Variants in JAKMIP1 observed in about 807,000 individuals in gnomAD.
JAKMIP1 encodes janus kinase and microtubule interacting protein 1, also known as janus kinase and microtubule-interacting protein 1.
A neutral mutation model predicts 113.0 loss-of-function variants in JAKMIP1; 33 were observed. That is an observed-to-expected ratio of 0.29 (90% CI 0.22 to 0.39). JAKMIP1 has a LOEUF of 0.39. Ranked by LOEUF, JAKMIP1 falls within the 10% of genes least tolerant of loss-of-function variation. The pLI is 1.00. For missense variants in JAKMIP1, 813 were observed against 1,080.5 expected, an observed-to-expected ratio of 0.75 and a Z score of 3.47; for synonymous variants, 480 against 459.9, an observed-to-expected ratio of 1.04 and a Z score of -0.56.
At chr4:6,046,797 G>A (rs1159095636) in intron 16 of JAKMIP1, among the ~76,000 whole-genome samples, 2 of 152,218 alleles carry the variant, frequency 1.3e-5, no homozygotes, top group Non-Finnish European at 2.9e-5. Context: ...CGGGCGTGGG[G>A]AGGGGTACAT....
Position 6,162,184 on chromosome 4 carries a change from C to T in JAKMIP1, c.-148+38069G>A, listed in dbSNP as rs553143912. Reference sequence around the variant, plus strand: ...ACCAAGGGGCTGTGAGCTTGGACCTCGTCCCACTAGAGGGCAGTGGGAGCG... The same window carrying T: ...ACCAAGGGGCTGTGAGCTTGGACCTTGTCCCACTAGAGGGCAGTGGGAGCG... On this transcript the variant is annotated intron_variant, in intron 1 of 20. Coordinates refer to ENST00000409021, the MANE Select transcript of JAKMIP1 (RefSeq NM_001099433.2). This position sits in a 1 kb window ranked among gnomAD's most constrained non-coding sequence, Gnocchi z 5.6. Among the ~76,000 whole-genome samples, 7 of 152,112 alleles carry T rather than the reference C, an allele frequency of 4.6e-5. No homozygotes were observed. Among genetic ancestry groups the T allele is most frequent in the African/African-American group, 1.4e-4 (6 of 41,402 alleles).
intron 1 of JAKMIP1, among the ~76,000 whole-genome samples, chr4:6,122,786 C>T (rs1578300917): frequency 6.6e-6 from 1 of 152,262 alleles, no homozygotes; most frequent in East Asian, 1.9e-4. Flanking sequence ...GGCTCAGGAG[C>T]CAGAGTGACT....
chr4:6,199,835 CCA>C lies in JAKMIP1; in HGVS notation c.-148+416_-148+417del, dbSNP rs1295511488. ...GGAAGACACGGAGGGGACGGGCCGG[CCA>C]CACCCCCCGCGCCACTCCGGCAGGC... On this transcript the variant is annotated intron_variant, in intron 1 of 20. Coordinates refer to ENST00000409021, the MANE Select transcript of JAKMIP1 (RefSeq NM_001099433.2). The surrounding 1 kb of genome is among the most constrained non-coding windows in gnomAD (Gnocchi z 5.6). 1.3e-5 allele frequency among the ~76,000 whole-genome samples: 2 copies of C among 151,640 alleles called. No individual in the cohort carries two copies. The highest frequency in any genetic ancestry group is 2.9e-5 in the Non-Finnish European group (2 of 67,828).
chr4:6,110,151 C>T (rs185821230), intron 2 of JAKMIP1, among the ~76,000 whole-genome samples: 1 of 152,272 alleles, frequency 6.6e-6, no homozygotes, highest in Admixed American at 6.5e-5. Context: ...AAGTCCTAAC[C>T]CCCATGACCT....
In JAKMIP1 at chr4:6,137,620, T is replaced by C. The variant is rs947438527; in HGVS notation, c.-147-24623A>G. On this transcript the variant is annotated intron_variant, in intron 1 of 20. Coordinates refer to ENST00000409021, the MANE Select transcript of JAKMIP1 (RefSeq NM_001099433.2). This position sits in a 1 kb window ranked among gnomAD's most constrained non-coding sequence, Gnocchi z 4.5. ...ACACTCTCTCCGCACCTGGAGGCAA[T>C]GACCCCCACAGGGGACCAAATGAGC... 2.6e-5 allele frequency among the ~76,000 whole-genome samples: 4 copies of C among 152,202 alleles called. No homozygotes were observed. Among genetic ancestry groups the C allele is most frequent in the Non-Finnish European group, 4.4e-5 (3 of 68,034 alleles).
At chr4:6,078,917 A>C (rs371663972) in intron 8 of JAKMIP1, 22 bp downstream of exon 8, 202 of 1,613,180 alleles carry the variant, frequency 1.3e-4, no homozygotes, top group Non-Finnish European at 1.6e-4. Flanking sequence ...AAGGTAGGGC[A>C]GGTGCACCAT....
chr4:6,103,117 T>G (rs1193259396), intron 3 of JAKMIP1, among the ~76,000 whole-genome samples: 3 of 152,202 alleles, frequency 2.0e-5, no homozygotes, highest in African/African-American at 7.2e-5. Flanking sequence ...ATGTTCAATA[T>G]TTCATCATTA....
In JAKMIP1 at chr4:6,199,900, C is replaced by T. The variant is rs1728262587; in HGVS notation, c.-148+353G>A. Among the ~76,000 whole-genome samples, 1 of 139,972 alleles carries T rather than the reference C, an allele frequency of 7.1e-6. No homozygotes were observed. Among genetic ancestry groups the T allele is most frequent in the African/African-American group, 2.6e-5 (1 of 37,872 alleles). 91.8% of individuals were successfully genotyped at this position (139,972 alleles called of 152,430 possible). ...CCCCTCCCGCTCCTTGGCTTGAGGG[C>T]GGAATCCGGAGAAGAGTGGAAATAG... On this transcript the variant is annotated intron_variant, in intron 1 of 20. Transcript: ENST00000409021. The surrounding 1 kb of genome is among the most constrained non-coding windows in gnomAD (Gnocchi z 5.6).
In JAKMIP1 at chr4:6,093,373, G is replaced by T. The variant is rs1302111442; in HGVS notation, c.625-7744C>A. Among the ~76,000 whole-genome samples, 2 of 152,148 alleles carry T rather than the reference G, an allele frequency of 1.3e-5. No individual in the cohort carries two copies. Among genetic ancestry groups the T allele is most frequent in the Admixed American group, 1.3e-4 (2 of 15,272 alleles). ...CAGTAAATAAATATTCAACTGAGGG[G>T]GAGCTCTCCTGCCCAGGGCTATATG... On this transcript the variant is annotated intron_variant, in intron 3 of 20. Transcript: ENST00000409021. The surrounding 1 kb of genome is among the most constrained non-coding windows in gnomAD (Gnocchi z 4.6).
At position 6,051,122 on chromosome 4, in the gene JAKMIP1, A is replaced by G. The variant is rs1202680120; in HGVS notation, c.1807-443T>C. 6.6e-6 allele frequency among the ~76,000 whole-genome samples: 1 copy of G among 152,208 alleles called. No individual in the cohort carries two copies. Among genetic ancestry groups the G allele is most frequent in the Non-Finnish European group, 1.5e-5 (1 of 68,044 alleles). ...CAGGCTCATTGCTTTCATTCTGTAG[A>G]CAAAGAGAAGGTGGTGGCCCAGGGA... On this transcript the variant is annotated intron_variant, in intron 13 of 20. Coordinates refer to ENST00000409021, the MANE Select transcript of JAKMIP1 (RefSeq NM_001099433.2). This position sits in a 1 kb window ranked among gnomAD's most constrained non-coding sequence, Gnocchi z 5.0.
chr4:6,053,939 G>A (rs755432144), intron 13 of JAKMIP1, 111 bp downstream of exon 13: 30 of 1,567,046 alleles, frequency 1.9e-5, no homozygotes, highest in Non-Finnish European at 2.5e-5. Context: ...ACTATAACAT[G>A]TCCCCTTTAC....
rs11737646 is a variant in JAKMIP1, at chr4:6,142,953, T to C, written c.-147-29956A>G. Among the ~76,000 whole-genome samples, 15,351 of 152,256 alleles carry C rather than the reference T, an allele frequency of 0.1. 926 individuals carry two copies. The highest frequency in any genetic ancestry group is 0.17 in the South Asian group (818 of 4,818). On this transcript the variant is annotated intron_variant, in intron 1 of 20. Transcript: ENST00000409021. The surrounding 1 kb of genome is among the most constrained non-coding windows in gnomAD (Gnocchi z 5.5). ...CCAGCACTGTGTGTGTGTGTGTTTG[T>C]GGCCTCTCATCTCTGACTATACTAT...
In JAKMIP1 at chr4:6,131,377, A is replaced by C. The variant is rs113876247; in HGVS notation, c.-147-18380T>G. 8.8e-3 allele frequency among the ~76,000 whole-genome samples: 1,330 copies of C among 151,728 alleles called. 19 individuals are homozygous for C. The highest frequency in any genetic ancestry group is 0.03 in the African/African-American group (1,229 of 41,378). On this transcript the variant is annotated intron_variant, in intron 1 of 20. Coordinates refer to ENST00000409021, the MANE Select transcript of JAKMIP1 (RefSeq NM_001099433.2). ...AGAAGGATAACTGCCAAAAAAAAAA[A>C]AAAACAAAACCCTACACTTAGCATA...
rs1256990193 is a variant in JAKMIP1, at chr4:6,140,739, AGAAT to A, written c.-147-27746_-147-27743del. Among the ~76,000 whole-genome samples, 2 of 152,178 alleles carry A rather than the reference AGAAT, an allele frequency of 1.3e-5. No homozygotes were observed. Among genetic ancestry groups the A allele is most frequent in the African/African-American group, 2.4e-5 (1 of 41,402 alleles). On this transcript the variant is annotated intron_variant, in intron 1 of 20. Transcript: ENST00000409021. The surrounding 1 kb of genome is among the most constrained non-coding windows in gnomAD (Gnocchi z 9.4). ...GACAAAGTATCCCAGATAACTTGGT[AGAAT>A]AATATTTCTCTCGTCTGGTGTCATC... is the stretch of plus-strand genomic sequence containing the variant.
rs1016050102 is a variant in JAKMIP1 at position 6,076,785 on chromosome 4, A to T, written c.1302+2154T>A. On this transcript the variant is annotated intron_variant, in intron 8 of 20. Coordinates refer to ENST00000409021, the MANE Select transcript of JAKMIP1 (RefSeq NM_001099433.2). This position sits in a 1 kb window ranked among gnomAD's most constrained non-coding sequence, Gnocchi z 4.8. ...GGACCCAAGTCTAAACATGAAATTC[A>T]TTTGTTTCATATACACTTTATATAT... Among the ~76,000 whole-genome samples, 1 of 152,198 alleles carries T rather than the reference A, an allele frequency of 6.6e-6. No homozygotes were observed. The highest frequency in any genetic ancestry group is 1.9e-4 in the East Asian group (1 of 5,204).
intron 3 of JAKMIP1, among the ~76,000 whole-genome samples, chr4:6,095,248 GA>G (rs1298963849): frequency 2.3e-5 from 3 of 129,068 alleles, no homozygotes; most frequent in African/African-American, 5.7e-5. Context: ...AGGAGCGAAG[GA>G]AAAAGGGAAG....
rs990163262 is a variant in JAKMIP1 at position 6,181,767 on chromosome 4, G to C, written c.-148+18486C>G. ...TGTTCCATGCCAGACCCTGTGCTGA[G>C]CCTCAAACATGAATCTCACACAGCC... On this transcript the variant is annotated intron_variant, in intron 1 of 20. Transcript: ENST00000409021. The surrounding 1 kb of genome is among the most constrained non-coding windows in gnomAD (Gnocchi z 5.4). 2.0e-5 allele frequency among the ~76,000 whole-genome samples: 3 copies of C among 152,158 alleles called. No individual in the cohort carries two copies. Among genetic ancestry groups the C allele is most frequent in the Non-Finnish European group, 4.4e-5 (3 of 68,036 alleles).
In JAKMIP1 at chr4:6,081,183, G is replaced by A. The variant is rs902468990; in HGVS notation, c.1101+426C>T. Among the ~76,000 whole-genome samples, 1 of 152,188 alleles carries A rather than the reference G, an allele frequency of 6.6e-6. No homozygotes were observed. The highest frequency in any genetic ancestry group is 1.5e-5 in the Non-Finnish European group (1 of 68,042). ...ACCACAAACACCAGGCATCCTAGCTGGAGGAGAAACCCCTCTGCAGAGCAT... is the reference window on the plus strand; with the variant it reads ...ACCACAAACACCAGGCATCCTAGCTAGAGGAGAAACCCCTCTGCAGAGCAT... On this transcript the variant is annotated intron_variant, in intron 6 of 20. Transcript: ENST00000409021. The surrounding 1 kb of genome is among the most constrained non-coding windows in gnomAD (Gnocchi z 4.6).
chr4:6,060,193 A>G (rs987139469), intron 11 of JAKMIP1, among the ~76,000 whole-genome samples: 2 of 152,230 alleles, frequency 1.3e-5, no homozygotes, highest in Non-Finnish European at 1.5e-5. Flanking sequence ...ACAAACAAAG[A>G]AAAAGCCAAG....
Sources: allele counts gnomAD v4.1 joint callset (sites outside exome capture counted in the v4.1 genomes callset), GRCh38; gene constraint gnomAD v4.1.1; non-coding constraint Gnocchi (gnomAD v3.1); transcripts MANE v1.5; gene names NCBI Gene and HGNC (gene_info 2026-07-23, HGNC 2026-07-21).